TCEANC: variants seen among roughly 807,000 people sequenced by gnomAD.
TCEANC encodes the protein transcription elongation factor A N-terminal and central domain-containing protein.
Under a neutral mutation model 8.7 loss-of-function variants are expected in TCEANC, and 8 were observed. The observed-to-expected ratio is 0.92, with a 90% confidence interval of 0.54 to 1.65. The LOEUF (loss-of-function observed/expected upper bound fraction) is 1.65. TCEANC is among the 40% of genes most tolerant of loss of function. TCEANC has a pLI of 0.00. For synonymous variants in TCEANC, 78 were observed against 92.9 expected, an observed-to-expected ratio of 0.84 and a Z score of 0.92; for missense variants, 255 against 251.9, an observed-to-expected ratio of 1.01 and a Z score of -0.08.
At chrX:13,655,417 C>T (rs1479617731) in intron 1 of TCEANC, 44 bp downstream of exon 2, 1 of 112,429 alleles carries the variant, frequency 8.9e-6, no homozygotes, top group African/African-American at 3.2e-5. Context: ...CATTATGACA[C>T]TTAAAATATT....
rs1284175119 is a variant in TCEANC at position 13,663,515 on chromosome X, G to T, written c.1007G>T (p.Cys336Phe). The T allele has an allele frequency of 8.6e-7, 1 of 1,169,026 alleles. No individual in the cohort carries two copies. The highest frequency in any genetic ancestry group is 1.1e-6 in the Non-Finnish European group (1 of 874,130). Reference sequence around the variant, plus strand: ...GAACAAATGATGACTTACGTAATTTGTAACGAATGTGGGGAGCAGTGGTAC... The same window carrying T: ...GAACAAATGATGACTTACGTAATTTTTAACGAATGTGGGGAGCAGTGGTAC... The change falls in exon 2 of 2, where the codon TGT (cysteine) becomes TTT (phenylalanine). Residue 336 changes from cysteine (C) to phenylalanine (F), a missense_variant. Transcript: ENST00000380600.
At chrX:13,659,481 T>C (rs1011208691) in intron 1 of TCEANC, among the ~76,000 whole-genome samples, 171 bp from the exon 3 acceptor site, 7 of 112,240 alleles carry the variant, frequency 6.2e-5, no homozygotes, top group Non-Finnish European at 1.3e-4. Flanking sequence ...AGTAAATCTA[T>C]AGAAGTTAAT....
chrX:13,665,364 T>A lies in TCEANC; in HGVS notation c.*1800T>A, dbSNP rs1320968981. The A allele has an allele frequency of 4.9e-5, 6 of 123,709 alleles. No individual in the cohort carries two copies. In the East Asian group the frequency reaches 1.7e-3, roughly 34 times the overall value. The allele number at this position is 123,709 out of a possible 1,213,427, so 10.2% of individuals were successfully genotyped here. On this transcript the variant is annotated 3_prime_UTR_variant, in exon 2 of 2. Coordinates refer to ENST00000380600, the Ensembl canonical transcript of TCEANC. ...GTGTAGTTTTTATTTATATTGGAAT[T>A]TGGCAAACTAAATGTTCAGACAAAT...
At chrX:13,656,165 T>C (rs920212355) in intron 1 of TCEANC, among the ~76,000 whole-genome samples, 2 of 111,949 alleles carry the variant, frequency 1.8e-5, no homozygotes, top group East Asian at 5.6e-4. Flanking sequence ...CTGCGTGTGT[T>C]TCCCCTAGCA....
chrX:13,653,895 G>T (rs1467780388), upstream of TCEANC, among the ~76,000 whole-genome samples: 1 of 110,986 alleles, frequency 9.0e-6, no homozygotes, highest in Admixed American at 9.5e-5. Context: ...ACCATATTTC[G>T]TGCCTACTTT....
chrX:13,659,195 C>A (rs1403398285), intron 1 of TCEANC, among the ~76,000 whole-genome samples: 2 of 112,485 alleles, frequency 1.8e-5, no homozygotes, highest in Non-Finnish European at 3.8e-5. Context: ...CTCCCCGACT[C>A]GTTGAAAAGT....
At chrX:13,654,504 G>A (rs1442677958), upstream of TCEANC, among the ~76,000 whole-genome samples, 1 of 112,757 alleles carries the variant, frequency 8.9e-6, no homozygotes, top group African/African-American at 3.2e-5. Context: ...GAAAAAGTGT[G>A]CTGACCCCCT....
chrX:13,663,032 C>G (rs1220634142), exon 2 of TCEANC: 1 of 1,211,428 alleles, frequency 8.3e-7, no homozygotes, highest in Admixed American at 2.2e-5. Flanking sequence ...CCCATGAGAA[C>G]TAAATGCATA....
chrX:13,662,731 T>G, exon 2 of TCEANC: 1 of 1,211,315 alleles, frequency 8.3e-7, no homozygotes, highest in Non-Finnish European at 1.1e-6. Context: ...GCTATCAAAG[T>G]GGAAAGCTGT....
chrX:13,663,567 G>A (rs1032130523), exon 2 of TCEANC: 2 of 1,117,108 alleles, frequency 1.8e-6, no homozygotes, highest in African/African-American at 1.8e-5. Flanking sequence ...GCTGGTAACT[G>A]TAAATCAGTG....
chrX:13,653,224 C>T (rs905739741), upstream of TCEANC: 1 of 113,041 alleles, frequency 8.8e-6, no homozygotes, highest in African/African-American at 3.2e-5. Context: ...GGCCTGTGTC[C>T]CGCAAAAAGG....
chrX:13,656,682 A>C (rs1216130630), intron 1 of TCEANC, among the ~76,000 whole-genome samples: 1 of 113,110 alleles, frequency 8.8e-6, no homozygotes, highest in African/African-American at 3.2e-5. Context: ...CAATGGCCAA[A>C]AGCCAGAAGC....
At chrX:13,655,950 T>C (rs936523157) in intron 1 of TCEANC, among the ~76,000 whole-genome samples, 3 of 112,326 alleles carry the variant, frequency 2.7e-5, no homozygotes, top group Non-Finnish European at 5.6e-5. Context: ...GGCTCCATCA[T>C]GAAAGCAAGG....
exon 1 of TCEANC, chrX:13,655,343 A>G (rs1301593004): frequency 8.9e-6 from 1 of 112,365 alleles, no homozygotes; most frequent in African/African-American, 3.2e-5. Flanking sequence ...GAGTTGCTCA[A>G]TAAATATATG....
upstream of TCEANC, among the ~76,000 whole-genome samples, chrX:13,654,836 TG>T (rs2045911756): frequency 5.9e-5 from 2 of 34,098 alleles, no homozygotes; most frequent in African/African-American, 1.9e-4. Flanking sequence ...ATGGTTTTTT[TG>T]TTTGTTTGTT....
intron 1 of TCEANC, among the ~76,000 whole-genome samples, chrX:13,658,266 T>A (rs943434348): frequency 8.9e-6 from 1 of 112,018 alleles, no homozygotes; most frequent in Admixed American, 9.5e-5. Flanking sequence ...GTTACACAAC[T>A]GTGAATATAC....
chrX:13,657,594 G>A (rs886152388), intron 1 of TCEANC, among the ~76,000 whole-genome samples: 1 of 110,804 alleles, frequency 9.0e-6, no homozygotes, highest in African/African-American at 3.3e-5. Context: ...GATCACCTGA[G>A]GTCAGGAGTT....
chrX:13,661,739 T>A (rs1244004320), intron 1 of TCEANC, among the ~76,000 whole-genome samples: 1 of 112,463 alleles, frequency 8.9e-6, no homozygotes, highest in Non-Finnish European at 1.9e-5. Flanking sequence ...CACACAGACA[T>A]AATCATTGAG....
At chrX:13,663,014 C>T (rs1316092030) in exon 2 of TCEANC, 1 of 1,210,897 alleles carries the variant, frequency 8.3e-7, no homozygotes, top group Non-Finnish European at 1.1e-6. Flanking sequence ...TTGCTGGATC[C>T]CACAACACCC....
Sources: allele counts gnomAD v4.1 joint callset (sites outside exome capture counted in the v4.1 genomes callset), GRCh38; gene constraint gnomAD v4.1.1; transcripts MANE v1.5; gene names NCBI Gene and HGNC (gene_info 2026-07-23, HGNC 2026-07-21).